Variants in CNBD1 observed in about 807,000 individuals in gnomAD.
CNBD1 encodes the protein cyclic nucleotide-binding domain-containing protein 1.
Under a neutral mutation model 54.4 loss-of-function variants are expected in CNBD1, and 71 were observed. The observed-to-expected ratio is 1.30, with a 90% CI of 1.08 to 1.59. The LOEUF (loss-of-function observed/expected upper bound fraction) is 1.59, where lower values mean the gene tolerates loss of function less well. Among genes scored for constraint, CNBD1 ranks in the 40% most tolerant of loss-of-function variants. The pLI is 0.00. For synonymous variants in CNBD1, 182 were observed against 170.7 expected, an observed-to-expected ratio of 1.07 and a Z score of -0.51; for missense variants, 659 against 518.0, an observed-to-expected ratio of 1.27 and a Z score of -2.64.
chr8:87,176,923 T>C (rs772389976), intron 4 of CNBD1, among the ~76,000 whole-genome samples: 1 of 152,194 alleles, frequency 6.6e-6, no homozygotes, highest in Non-Finnish European at 1.5e-5. Context: ...ACATTATCTT[T>C]TATAATCTTC....
intron 1 of CNBD1, among the ~76,000 whole-genome samples, chr8:86,875,480 T>C (rs1808507270): frequency 6.6e-6 from 1 of 152,240 alleles, no homozygotes; most frequent in Non-Finnish European, 1.5e-5. Flanking sequence ...TAAGCCACTT[T>C]GGCAAGTACT....
intron 4 of CNBD1, among the ~76,000 whole-genome samples, chr8:87,055,683 C>T (rs962596888): frequency 2.6e-5 from 4 of 152,130 alleles, no homozygotes; most frequent in Non-Finnish European, 5.9e-5. Context: ...AGTTGTCTAC[C>T]GAACTGGTTT....
At chr8:87,311,147 C>G (rs1453619817) in intron 8 of CNBD1, among the ~76,000 whole-genome samples, 1 of 152,038 alleles carries the variant, frequency 6.6e-6, no homozygotes, top group African/African-American at 2.4e-5. Context: ...AAGAAACTAT[C>G]AACAGAATAA....
intron 8 of CNBD1, among the ~76,000 whole-genome samples, chr8:87,303,547 T>A (rs1011453721): frequency 9.2e-5 from 14 of 152,092 alleles, no homozygotes; most frequent in Non-Finnish European, 1.5e-4. Flanking sequence ...GAAGAAAACC[T>A]AGGCAATACC....
chr8:87,307,889 G>C (rs1288086995), intron 8 of CNBD1, among the ~76,000 whole-genome samples: 1 of 151,760 alleles, frequency 6.6e-6, no homozygotes, highest in Non-Finnish European at 1.5e-5. Flanking sequence ...ATAATTTATT[G>C]GTTTATACAA....
At chr8:87,247,621 A>AT (rs35794604) in intron 6 of CNBD1, among the ~76,000 whole-genome samples, 45 of 151,836 alleles carry the variant, frequency 3.0e-4, no homozygotes, top group Non-Finnish European at 2.9e-5. Context: ...GCCAGGGGTG[A>AT]TTTTTTTTCT....
At chr8:87,306,470 C>T (rs1184934171) in intron 8 of CNBD1, among the ~76,000 whole-genome samples, 1 of 152,152 alleles carries the variant, frequency 6.6e-6, no homozygotes, top group Non-Finnish European at 1.5e-5. Context: ...CAGCATGATT[C>T]ACAATTGCAA....
rs200143757 is a variant in CNBD1, at chr8:86,965,581, CA to C, written c.431+25836del. ...TGGCTATTATGGAGTTTAGAGACTCCAAAAAAAAAGGACAGAAAGCAAATTC... is the reference window on the plus strand; with the variant it reads ...TGGCTATTATGGAGTTTAGAGACTCCAAAAAAAAGGACAGAAAGCAAATTC... On this transcript the variant is annotated intron_variant, in intron 4 of 10. Coordinates refer to ENST00000518476, the MANE Select transcript of CNBD1 (RefSeq NM_173538.3). Among the ~76,000 whole-genome samples, 3 of 149,802 alleles carry C rather than the reference CA, an allele frequency of 2.0e-5. No homozygotes were observed. In the East Asian group the frequency reaches 5.9e-4, roughly 29 times the overall value.
At chr8:87,352,268 C>T (rs761263922) in intron 9 of CNBD1, among the ~76,000 whole-genome samples, 1 of 152,042 alleles carries the variant, frequency 6.6e-6, no homozygotes, top group East Asian at 1.9e-4. Flanking sequence ...ATCACGAGAT[C>T]AGGAGATCGA....
intron 4 of CNBD1, among the ~76,000 whole-genome samples, chr8:86,946,680 G>T (rs1807476600): frequency 6.7e-6 from 1 of 148,408 alleles, no homozygotes; most frequent in African/African-American, 2.5e-5. Flanking sequence ...ACTCTATTGG[G>T]AATTTTTATC....
intron 4 of CNBD1, among the ~76,000 whole-genome samples, chr8:87,116,599 A>T (rs1811773740): frequency 6.6e-6 from 1 of 152,126 alleles, no homozygotes; most frequent in Non-Finnish European, 1.5e-5. Flanking sequence ...GATATCTCAC[A>T]TATTTCAGAA....
downstream of CNBD1, among the ~76,000 whole-genome samples, chr8:87,383,436 T>G (rs1282792102): frequency 1.3e-5 from 2 of 152,128 alleles, no homozygotes; most frequent in Non-Finnish European, 2.9e-5. Context: ...TGTTATTATT[T>G]TAGAGATAAA....
chr8:87,372,970 C>G (rs894711618), intron 10 of CNBD1, among the ~76,000 whole-genome samples: 1 of 151,680 alleles, frequency 6.6e-6, no homozygotes, highest in Non-Finnish European at 1.5e-5. Context: ...TTTCTGTCTA[C>G]CTTACACTTC....
At chr8:87,336,610 G>T (rs935585549) in intron 8 of CNBD1, among the ~76,000 whole-genome samples, 3 of 152,018 alleles carry the variant, frequency 2.0e-5, no homozygotes, top group African/African-American at 4.8e-5. Flanking sequence ...ATTTTGTCAA[G>T]GTTCTCAGCT....
intron 3 of CNBD1, among the ~76,000 whole-genome samples, chr8:86,935,761 C>T (rs926620889): frequency 6.6e-6 from 1 of 151,954 alleles, no homozygotes; most frequent in Non-Finnish European, 1.5e-5. Context: ...TTTCCTTATA[C>T]TTATTTTGAG....
At chr8:87,403,757 AC>A (rs1336386613) in intron 2 of CNBD1, among the ~76,000 whole-genome samples, 1 of 151,948 alleles carries the variant, frequency 6.6e-6, no homozygotes. Flanking sequence ...AAATCAGTAA[AC>A]AACTTGACCA....
chr8:87,399,061 C>G (rs1489768457), intron 2 of CNBD1, among the ~76,000 whole-genome samples: 1 of 152,038 alleles, frequency 6.6e-6, no homozygotes. Flanking sequence ...AAAAAGAAAA[C>G]TACTTATTTC....
chr8:87,271,824 T>TA, intron 6 of CNBD1, among the ~76,000 whole-genome samples: 1 of 149,584 alleles, frequency 6.7e-6, no homozygotes, highest in East Asian at 1.9e-4. Context: ...ATTGCAGCAC[T>TA]ATTCACAGTA....
intron 8 of CNBD1, among the ~76,000 whole-genome samples, chr8:87,333,968 G>T (rs891085606): frequency 6.6e-6 from 1 of 152,034 alleles, no homozygotes; most frequent in Non-Finnish European, 1.5e-5. Context: ...TTTACCTCTG[G>T]TTGAATTCGG....
Sources: gnomAD v4.1 joint callset for allele counts (sites outside exome capture counted in the v4.1 genomes callset) on GRCh38, gnomAD v4.1.1 for gene constraint, MANE v1.5 for transcripts, NCBI Gene and HGNC (gene_info 2026-07-23, HGNC 2026-07-21) for gene names.